CDH12: variants seen among roughly 807,000 people sequenced by gnomAD.
CDH12 encodes cadherin-12.
Under a neutral mutation model 74.1 loss-of-function variants are expected in CDH12, and 41 were observed. The observed-to-expected ratio is 0.55, with a 90% CI of 0.43 to 0.72. The LOEUF (loss-of-function observed/expected upper bound fraction) is 0.72, where lower values mean the gene tolerates loss of function less well. CDH12 is among the 30% of genes least tolerant of loss of function. CDH12 has a pLI of 0.00. For synonymous variants in CDH12, 399 were observed against 355.0 expected (o/e 1.12, Z -1.39); for missense variants, 945 against 977.2 (o/e 0.97, Z 0.44).
chr5:21,971,834 A>C lies in CDH12; in HGVS notation c.526+3257T>G, dbSNP rs1756866944. 2.0e-5 allele frequency among the ~76,000 whole-genome samples: 3 copies of C among 152,136 alleles called. No individual in the cohort carries two copies. The South Asian group carries it at 6.2e-4, about 31-fold the overall frequency. On this transcript the variant is annotated intron_variant, in intron 6 of 14. Transcript: ENST00000382254. ...TTAAGTAATTTCCGGAGGTCAGAGT[A>C]AAAGCTTTTTATCTCTAAATATTAC...
Position 21,966,576 on chromosome 5 carries a change from C to T in CDH12, c.526+8515G>A, listed in dbSNP as rs1272484813. On this transcript the variant is annotated intron_variant, in intron 6 of 14. Transcript: ENST00000382254. ...CCAGTACCTAAAATAGTGCCTGTCA[C>T]GTAGGTATTGATGAATATTTGAACC... is the stretch of plus-strand genomic sequence containing the variant. 7.9e-5 allele frequency among the ~76,000 whole-genome samples: 12 copies of T among 152,034 alleles called. 1 individual carries two copies. The highest frequency in any genetic ancestry group is 2.0e-4 in the Admixed American group (3 of 15,244).
intron 5 of CDH12, among the ~76,000 whole-genome samples, chr5:22,004,404 C>A (rs1316269313): frequency 1.3e-5 from 2 of 152,158 alleles, no homozygotes; most frequent in African/African-American, 4.8e-5. Flanking sequence ...AAACCTAAAT[C>A]CTTGGAGTGG....
At chr5:22,623,234 G>A (rs909343648) in intron 1 of CDH12, among the ~76,000 whole-genome samples, 4 of 152,108 alleles carry the variant, frequency 2.6e-5, no homozygotes, top group Non-Finnish European at 5.9e-5. Flanking sequence ...GCAAAAACTG[G>A]AAGCATTCCC....
intron 10 of CDH12, among the ~76,000 whole-genome samples, chr5:21,788,106 A>G (rs1324266687): frequency 6.6e-6 from 1 of 152,198 alleles, no homozygotes; most frequent in Non-Finnish European, 1.5e-5. Context: ...TAAGTAAAGT[A>G]TGATGCCCAT....
rs766005547 is a variant in CDH12 at position 21,751,651 on chromosome 5, T to TGTGTGTGTGTGTGTGTGA, written c.*85_*86insTCACACACACACACACAC. On this transcript the variant is annotated 3_prime_UTR_variant, in exon 15 of 15. Transcript: ENST00000382254. Reference sequence around the variant, plus strand: ...GTGTGTTTGTGTGTGTGTGTGTGTGTGAGAGAGATTTCTATTAATATTTGT... The same window carrying TGTGTGTGTGTGTGTGTGA: ...GTGTGTTTGTGTGTGTGTGTGTGTGTGTGTGTGTGTGTGTGTGAGAGAGAGATTTCTATTAATATTTGT... The TGTGTGTGTGTGTGTGTGA allele has an allele frequency of 2.1e-6, 2 of 959,258 alleles. No individual in the cohort carries two copies. Among genetic ancestry groups the TGTGTGTGTGTGTGTGTGA allele is most frequent in the African/African-American group, 1.7e-5 (1 of 59,470 alleles). The allele number at this position is 959,258 out of a possible 1,614,324, so 59.4% of individuals were successfully genotyped here.
chr5:22,232,559 T>C (rs1350061221), intron 3 of CDH12, among the ~76,000 whole-genome samples: 1 of 151,750 alleles, frequency 6.6e-6, no homozygotes, highest in Non-Finnish European at 1.5e-5. Context: ...TAAGAAAATA[T>C]CACAAATCTT....
At chr5:22,426,522 C>CGTT (rs1293984339) in intron 2 of CDH12, among the ~76,000 whole-genome samples, 1 of 151,994 alleles carries the variant, frequency 6.6e-6, no homozygotes, top group African/African-American at 2.4e-5. Flanking sequence ...TAGGCAAGAA[C>CGTT]CCCCCGAATA....
intron 1 of CDH12, among the ~76,000 whole-genome samples, chr5:22,611,319 T>G (rs934530430): frequency 4.6e-5 from 7 of 152,198 alleles, no homozygotes; most frequent in African/African-American, 1.7e-4. Context: ...GTCATAGACT[T>G]GATGAACACT....
chr5:22,710,588 T>A (rs896272658), intron 1 of CDH12, among the ~76,000 whole-genome samples: 1 of 152,142 alleles, frequency 6.6e-6, no homozygotes, highest in Non-Finnish European at 1.5e-5. Context: ...CTATAGAGTA[T>A]GATAATGGTA....
At chr5:22,187,559 C>A (rs1334464112) in intron 4 of CDH12, among the ~76,000 whole-genome samples, 2 of 148,784 alleles carry the variant, frequency 1.3e-5, no homozygotes, top group East Asian at 3.9e-4. Context: ...TCATTGTGAC[C>A]ACGAATGCAT....
intron 3 of CDH12, among the ~76,000 whole-genome samples, chr5:22,221,704 C>G (rs1036350075): frequency 1.9e-4 from 29 of 151,902 alleles, no homozygotes; most frequent in Non-Finnish European, 4.3e-4. Context: ...ACCCCCATCC[C>G]CCATGTCCTA....
chr5:21,847,000 C>G (rs551442513), intron 7 of CDH12, among the ~76,000 whole-genome samples: 38 of 152,184 alleles, frequency 2.5e-4, no homozygotes, highest in African/African-American at 7.5e-4. Context: ...GTTTATAGTT[C>G]AAAGGAGACT....
intron 11 of CDH12, among the ~76,000 whole-genome samples, chr5:21,778,996 A>G (rs531520533): frequency 1.4e-4 from 22 of 152,286 alleles, no homozygotes; most frequent in African/African-American, 5.3e-4. Flanking sequence ...TGATACAATT[A>G]TATGTAAACT....
At chr5:22,007,384 T>C (rs1299898883) in intron 5 of CDH12, among the ~76,000 whole-genome samples, 1 of 152,138 alleles carries the variant, frequency 6.6e-6, no homozygotes, top group Non-Finnish European at 1.5e-5. Flanking sequence ...TTAATTAGCT[T>C]GATTTAGCCA....
intron 5 of CDH12, among the ~76,000 whole-genome samples, chr5:21,976,354 C>T (rs557883780): frequency 2.3e-4 from 35 of 151,800 alleles, no homozygotes; most frequent in African/African-American, 7.5e-4. Flanking sequence ...AGTGTAATGC[C>T]GTAAGGCAGT....
chr5:22,553,170 C>G (rs1738650593), intron 1 of CDH12, among the ~76,000 whole-genome samples: 1 of 152,086 alleles, frequency 6.6e-6, no homozygotes, highest in Non-Finnish European at 1.5e-5. Flanking sequence ...TAATGGATCA[C>G]TAACTTTTAA....
At chr5:22,847,356 T>C (rs914515419) in intron 1 of CDH12, among the ~76,000 whole-genome samples, 2 of 152,174 alleles carry the variant, frequency 1.3e-5, no homozygotes, top group African/African-American at 4.8e-5. Context: ...TCCCTTAAAA[T>C]AATGGCAACC....
chr5:22,057,935 T>C (rs1740856089), intron 5 of CDH12, among the ~76,000 whole-genome samples: 1 of 152,286 alleles, frequency 6.6e-6, no homozygotes, highest in Non-Finnish European at 1.5e-5. Context: ...GAAAAATTAC[T>C]GAGAGAGTTG....
chr5:22,463,877 C>T (rs1745620621), intron 2 of CDH12, among the ~76,000 whole-genome samples: 1 of 152,140 alleles, frequency 6.6e-6, no homozygotes, highest in Non-Finnish European at 1.5e-5. Flanking sequence ...ATCATATTTA[C>T]TAATATCCCC....
Sources: allele counts gnomAD v4.1 joint callset (sites outside exome capture counted in the v4.1 genomes callset), GRCh38; gene constraint gnomAD v4.1.1; transcripts MANE v1.5; gene names NCBI Gene and HGNC (gene_info 2026-07-23, HGNC 2026-07-21).